COL25A1: variants seen among roughly 807,000 people sequenced by gnomAD.
The protein encoded by COL25A1 is collagen type XXV alpha 1 chain.
A neutral mutation model predicts 128.4 loss-of-function variants in COL25A1; 103 were observed. The observed-to-expected ratio is 0.80, with a 90% confidence interval of 0.68 to 0.94. The LOEUF is 0.94. COL25A1 is among the 40% of genes least tolerant of loss of function. The probability of loss-of-function intolerance (pLI) is 0.00; values close to 1 mark genes in which losing one functional copy is unlikely to be tolerated. For synonymous variants in COL25A1, 279 were observed against 277.2 expected (o/e 1.01, Z -0.06); for missense variants, 745 against 840.0 (o/e 0.89, Z 1.40).
chr4:108,966,497 A>C (rs1169571643), intron 8 of COL25A1, among the ~76,000 whole-genome samples: 1 of 152,144 alleles, frequency 6.6e-6, no homozygotes, highest in Non-Finnish European at 1.5e-5. Flanking sequence ...TATGTGAAAG[A>C]ACTTGAACAA....
At chr4:108,844,599 G>T in intron 29 of COL25A1, 30 bp from the exon 30 acceptor site, 1 of 1,602,774 alleles carries the variant, frequency 6.2e-7, no homozygotes, top group South Asian at 1.1e-5. Flanking sequence ...AAATGTATTT[G>T]GTTACTTCAT....
intron 3 of COL25A1, among the ~76,000 whole-genome samples, chr4:109,095,617 C>T (rs1421337521): frequency 2.0e-5 from 3 of 152,146 alleles, no homozygotes; most frequent in African/African-American, 4.8e-5. Context: ...TCATTTGTCC[C>T]CTGGGAAAGC....
At chr4:108,895,090 A>G (rs954656764) in intron 16 of COL25A1, among the ~76,000 whole-genome samples, 7 of 152,190 alleles carry the variant, frequency 4.6e-5, no homozygotes, top group Non-Finnish European at 7.3e-5. Flanking sequence ...ACAGATCTAT[A>G]AGAAACTGAG....
At chr4:108,906,871 G>T (rs1034799054) in intron 13 of COL25A1, among the ~76,000 whole-genome samples, 6 of 152,136 alleles carry the variant, frequency 3.9e-5, no homozygotes, top group Non-Finnish European at 8.8e-5. Context: ...AGGAATGAAT[G>T]AATATAGGAG....
chr4:109,267,789 TA>T (rs879534172), intron 3 of COL25A1, among the ~76,000 whole-genome samples: 29 of 151,598 alleles, frequency 1.9e-4, no homozygotes, highest in African/African-American at 4.8e-4. Flanking sequence ...ATTTCTAACT[TA>T]AAAAAAAATC....
intron 3 of COL25A1, among the ~76,000 whole-genome samples, chr4:109,079,321 C>T (rs1763639062): frequency 6.6e-6 from 1 of 152,168 alleles, no homozygotes; most frequent in South Asian, 2.1e-4. Flanking sequence ...ACACTATTTA[C>T]CATTAATCAA....
At chr4:109,197,529 T>C (rs1361365294) in intron 3 of COL25A1, among the ~76,000 whole-genome samples, 1 of 135,248 alleles carries the variant, frequency 7.4e-6, no homozygotes, top group African/African-American at 2.8e-5. Flanking sequence ...TATAATATTA[T>C]ACATATATAA....
intron 6 of COL25A1, among the ~76,000 whole-genome samples, chr4:108,991,187 C>T (rs1055154260): frequency 1.3e-5 from 2 of 152,064 alleles, no homozygotes; most frequent in East Asian, 1.9e-4. Flanking sequence ...TGAAATGCTA[C>T]GTGTTATTTA....
At chr4:109,122,387 C>A (rs1768182483) in intron 3 of COL25A1, among the ~76,000 whole-genome samples, 1 of 151,974 alleles carries the variant, frequency 6.6e-6, no homozygotes, top group African/African-American at 2.4e-5. Flanking sequence ...CATGGGAATT[C>A]TCTGCGCTTT....
chr4:109,131,411 G>A (rs1046357931), intron 3 of COL25A1, among the ~76,000 whole-genome samples: 6 of 152,152 alleles, frequency 3.9e-5, no homozygotes, highest in Admixed American at 3.3e-4. Context: ...ATGATGGAAC[G>A]CAAGATAATT....
At chr4:109,038,418 C>A (rs1031733671) in intron 5 of COL25A1, among the ~76,000 whole-genome samples, 1 of 152,170 alleles carries the variant, frequency 6.6e-6, no homozygotes, top group Non-Finnish European at 1.5e-5. Context: ...TTACCAGTTC[C>A]CACAACCGCA....
At chr4:108,906,100 T>G (rs1743481275) in intron 13 of COL25A1, among the ~76,000 whole-genome samples, 1 of 152,064 alleles carries the variant, frequency 6.6e-6, no homozygotes, top group African/African-American at 2.4e-5. Context: ...GCTCCTTCAC[T>G]CAGTTCTCTG....
chr4:109,247,654 GC>G (rs1226827813), intron 3 of COL25A1, among the ~76,000 whole-genome samples: 2 of 152,148 alleles, frequency 1.3e-5, no homozygotes, highest in African/African-American at 4.8e-5. Flanking sequence ...TAGAGGAGGA[GC>G]ATATTTAGCA....
intron 32 of COL25A1, among the ~76,000 whole-genome samples, chr4:108,830,387 C>T (rs1380501061): frequency 2.0e-5 from 3 of 152,154 alleles, no homozygotes; most frequent in Non-Finnish European, 4.4e-5. Context: ...TAATTTCATT[C>T]GGGTTCTTTA....
intron 3 of COL25A1, among the ~76,000 whole-genome samples, chr4:109,213,008 A>G (rs962028999): frequency 6.6e-6 from 1 of 152,202 alleles, no homozygotes; most frequent in Non-Finnish European, 1.5e-5. Context: ...AAATATTTGG[A>G]GACCACTGAC....
At chr4:108,834,537 CA>C in intron 31 of COL25A1, 1 of 605,216 alleles carries the variant, frequency 1.7e-6, no homozygotes, top group Non-Finnish European at 2.9e-6. Flanking sequence ...CACATTGCTA[CA>C]AATTGTTAGT....
At chr4:109,299,857 C>A (rs1405049204) in intron 3 of COL25A1, among the ~76,000 whole-genome samples, 1 of 152,050 alleles carries the variant, frequency 6.6e-6, no homozygotes, top group African/African-American at 2.4e-5. Flanking sequence ...CTCAAAGGTC[C>A]ATGAAGGAAG....
chr4:108,940,203 T>C (rs1469825948), intron 10 of COL25A1, among the ~76,000 whole-genome samples: 1 of 152,192 alleles, frequency 6.6e-6, no homozygotes. Context: ...GCAGTGAGGA[T>C]ACACCTGGGA....
intron 3 of COL25A1, among the ~76,000 whole-genome samples, chr4:109,079,211 G>C (rs1212608666): frequency 6.6e-6 from 1 of 152,182 alleles, no homozygotes; most frequent in Non-Finnish European, 1.5e-5. Flanking sequence ...TCTTTTAGGT[G>C]AATTTTTTTT....
Sources: allele counts gnomAD v4.1 joint callset (sites outside exome capture counted in the v4.1 genomes callset), GRCh38; gene constraint gnomAD v4.1.1; transcripts MANE v1.5; gene names NCBI Gene and HGNC (gene_info 2026-07-23, HGNC 2026-07-21).